DCLK1: variants seen among roughly 807,000 people sequenced by gnomAD.
DCLK1 encodes the protein doublecortin like kinase 1.
Under a neutral mutation model 86.2 loss-of-function variants are expected in DCLK1, and 16 were observed. The observed-to-expected ratio is 0.19, with a 90% confidence interval of 0.13 to 0.28. The LOEUF is 0.28. DCLK1 is among the 10% of genes least tolerant of loss of function. The pLI is 1.00. For missense variants in DCLK1, 590 were observed against 940.2 expected (o/e 0.63, Z 4.87); for synonymous variants, 369 against 370.5 (o/e 1.00, Z 0.05).
chr13:35,908,537 T>C (rs1346181400), intron 4 of DCLK1, among the ~76,000 whole-genome samples: 1 of 152,226 alleles, frequency 6.6e-6, no homozygotes, highest in African/African-American at 2.4e-5. Context: ...TCCAAAACAG[T>C]ATGTAACATT....
intron 3 of DCLK1, among the ~76,000 whole-genome samples, chr13:35,971,344 A>G (rs1248029244): frequency 6.6e-6 from 1 of 152,218 alleles, no homozygotes; most frequent in Non-Finnish European, 1.5e-5. Context: ...TTGGAACAAC[A>G]CATGCATGCT....
intron 3 of DCLK1, among the ~76,000 whole-genome samples, chr13:36,056,464 G>T (rs1264633541): frequency 1.2e-4 from 13 of 109,294 alleles, no homozygotes; most frequent in Non-Finnish European, 2.0e-4. Flanking sequence ...TGGGGACTGT[G>T]GTGGGGAGGG....
chr13:35,860,997 TG>T (rs1359566598), intron 5 of DCLK1, among the ~76,000 whole-genome samples: 3 of 152,178 alleles, frequency 2.0e-5, no homozygotes, highest in Non-Finnish European at 2.9e-5. Flanking sequence ...GGATGGAGCA[TG>T]GGTCCAGAGA....
intron 16 of DCLK1, among the ~76,000 whole-genome samples, chr13:35,776,487 G>A (rs74967804): frequency 0.016 from 2,472 of 152,202 alleles, 69 homozygotes; most frequent in African/African-American, 0.056. Flanking sequence ...GTCAGATGTG[G>A]GGAAGAAAAG....
At chr13:35,788,559 A>G (rs2086659539) in intron 16 of DCLK1, among the ~76,000 whole-genome samples, 2 of 152,222 alleles carry the variant, frequency 1.3e-5, no homozygotes, top group African/African-American at 4.8e-5. Flanking sequence ...CTCAATTTCA[A>G]AAGATATAAA....
chr13:35,957,789 A>G (rs1878080271), intron 3 of DCLK1, among the ~76,000 whole-genome samples: 1 of 152,024 alleles, frequency 6.6e-6, no homozygotes, highest in Non-Finnish European at 1.5e-5. Flanking sequence ...CTCTGCATAT[A>G]TAACTTGAGA....
intron 11 of DCLK1, among the ~76,000 whole-genome samples, chr13:35,816,081 G>A (rs1408414945): frequency 6.6e-6 from 1 of 152,098 alleles, no homozygotes; most frequent in Non-Finnish European, 1.5e-5. Flanking sequence ...CAGCTGCAGC[G>A]AGATACACAA....
chr13:36,054,069 T>C (rs78122481), intron 3 of DCLK1, among the ~76,000 whole-genome samples: 2,798 of 152,260 alleles, frequency 0.018, 72 homozygotes, highest in African/African-American at 0.064. Context: ...CTTTGCAAAT[T>C]TGTGGGTCGA....
intron 3 of DCLK1, among the ~76,000 whole-genome samples, chr13:36,065,445 T>C (rs143817173): frequency 6.5e-4 from 99 of 152,360 alleles, no homozygotes; most frequent in African/African-American, 1.9e-3. Flanking sequence ...AAGACTGATG[T>C]GGAGATCCAA....
At chr13:35,980,085 T>C (rs1278860061) in intron 3 of DCLK1, among the ~76,000 whole-genome samples, 1 of 152,202 alleles carries the variant, frequency 6.6e-6, no homozygotes, top group African/African-American at 2.4e-5. Flanking sequence ...AACATTCACA[T>C]TGTTGTCCAA....
At chr13:36,079,503 G>C (rs1884338705) in intron 3 of DCLK1, among the ~76,000 whole-genome samples, 1 of 151,904 alleles carries the variant, frequency 6.6e-6, no homozygotes, top group Admixed American at 6.6e-5. Context: ...ATGGTGGCGG[G>C]CACATGTAAT....
At chr13:35,960,008 C>G (rs17053236) in intron 3 of DCLK1, among the ~76,000 whole-genome samples, 25 of 152,222 alleles carry the variant, frequency 1.6e-4, no homozygotes, top group African/African-American at 5.5e-4. Context: ...TGTCCTTCCT[C>G]TCTTCCCCAA....
intron 3 of DCLK1, among the ~76,000 whole-genome samples, chr13:35,964,296 T>C (rs965908356): frequency 6.6e-6 from 1 of 152,166 alleles, no homozygotes; most frequent in African/African-American, 2.4e-5. Flanking sequence ...GAATTTGTAA[T>C]ATAGGATTGT....
chr13:35,887,244 A>G (rs1428234980), intron 4 of DCLK1, among the ~76,000 whole-genome samples: 1 of 152,204 alleles, frequency 6.6e-6, no homozygotes, highest in Non-Finnish European at 1.5e-5. Flanking sequence ...GTGGGCAGGG[A>G]GGTGAGGTTA....
intron 3 of DCLK1, among the ~76,000 whole-genome samples, chr13:36,022,486 A>C (rs1270485711): frequency 6.6e-6 from 1 of 152,066 alleles, no homozygotes; most frequent in Non-Finnish European, 1.5e-5. Context: ...TTCTTTAAAA[A>C]CATCAACAAA....
At chr13:35,928,018 G>C (rs559433200) in intron 4 of DCLK1, among the ~76,000 whole-genome samples, 4 of 152,184 alleles carry the variant, frequency 2.6e-5, no homozygotes, top group Non-Finnish European at 4.4e-5. Flanking sequence ...CCTGTCTGTC[G>C]CTTCAACTGG....
intron 3 of DCLK1, among the ~76,000 whole-genome samples, chr13:36,052,040 C>T (rs974897020): frequency 1.3e-5 from 2 of 152,128 alleles, no homozygotes; most frequent in Non-Finnish European, 2.9e-5. Context: ...ATTTGGAATA[C>T]AACTCCACTT....
intron 9 of DCLK1, 90 bp from the exon 10 acceptor site, chr13:35,827,844 A>G (rs1272051664): frequency 2.0e-6 from 3 of 1,481,044 alleles, no homozygotes; most frequent in African/African-American, 2.8e-5. Flanking sequence ...GTAAGGGTCA[A>G]GAGAGATGCA....
In DCLK1 at chr13:36,079,357, C is replaced by T. The variant is rs556847200; in HGVS notation, c.723+32512G>A. Among the ~76,000 whole-genome samples the T allele has an allele frequency of 3.8e-4, 58 of 152,256 alleles. 1 individual carries two copies. The highest frequency in any genetic ancestry group is 3.5e-3 in the East Asian group (18 of 5,168). On this transcript the variant is annotated intron_variant, in intron 3 of 16. Transcript: ENST00000360631. ...ACATTAAGAAAACCTCTGCTGGACA[C>T]GGTAGCTCATGCCTATAATCCCAAA...
Sources: gnomAD v4.1 joint callset for allele counts (sites outside exome capture counted in the v4.1 genomes callset) on GRCh38, gnomAD v4.1.1 for gene constraint, MANE v1.5 for transcripts, NCBI Gene and HGNC (gene_info 2026-07-23, HGNC 2026-07-21) for gene names.